CNTNAP2: variants seen among roughly 807,000 people sequenced by gnomAD.
CNTNAP2 encodes contactin-associated protein-like 2.
Under a neutral mutation model 155.2 loss-of-function variants are expected in CNTNAP2, and 98 were observed. The observed-to-expected ratio is 0.63, with a 90% CI of 0.54 to 0.75. The LOEUF (loss-of-function observed/expected upper bound fraction) is 0.75. CNTNAP2 is among the 30% of genes least tolerant of loss of function. The probability of loss-of-function intolerance (pLI) is 0.00; values close to 1 mark genes in which losing one functional copy is unlikely to be tolerated. For synonymous variants in CNTNAP2, 651 were observed against 631.2 expected (o/e 1.03, Z -0.47); for missense variants, 1,727 against 1,688.1 (o/e 1.02, Z -0.40).
intron 4 of CNTNAP2, among the ~76,000 whole-genome samples, chr7:147,063,228 T>C (rs558927057): frequency 6.6e-6 from 1 of 152,332 alleles, no homozygotes; most frequent in South Asian, 2.1e-4. Context: ...TACGTTTTCA[T>C]TTCTATTAGA....
chr7:148,004,541 A>G (rs1226585165), intron 15 of CNTNAP2, among the ~76,000 whole-genome samples: 1 of 152,200 alleles, frequency 6.6e-6, no homozygotes, highest in South Asian at 2.1e-4. Flanking sequence ...TCATTTACAT[A>G]CAAGTTCCTT....
At chr7:147,112,920 T>A (rs142435024) in intron 5 of CNTNAP2, among the ~76,000 whole-genome samples, 2 of 152,120 alleles carry the variant, frequency 1.3e-5, no homozygotes, top group African/African-American at 4.8e-5. Flanking sequence ...TAGAGAGGAG[T>A]CCTTCCTTTT....
At chr7:146,861,544 A>G (rs1396805457) in intron 3 of CNTNAP2, among the ~76,000 whole-genome samples, 2 of 152,124 alleles carry the variant, frequency 1.3e-5, no homozygotes, top group East Asian at 3.9e-4. Context: ...TGTGAATCCA[A>G]TTCACAATCC....
intron 3 of CNTNAP2, among the ~76,000 whole-genome samples, chr7:146,902,899 C>G (rs1440226929): frequency 6.6e-6 from 1 of 152,168 alleles, no homozygotes; most frequent in East Asian, 1.9e-4. Context: ...GAAACACATG[C>G]CCAGCAAATC....
chr7:148,362,054 A>G (rs1798632532), intron 21 of CNTNAP2, among the ~76,000 whole-genome samples: 1 of 152,158 alleles, frequency 6.6e-6, no homozygotes, highest in African/African-American at 2.4e-5. Context: ...TAAAAATACA[A>G]AAAAACTAGC....
chr7:146,350,950 G>A (rs891590205), intron 1 of CNTNAP2, among the ~76,000 whole-genome samples: 3 of 147,078 alleles, frequency 2.0e-5, no homozygotes, highest in Non-Finnish European at 1.5e-5. Context: ...AACACCGCAT[G>A]TTCTCACTCA....
intron 4 of CNTNAP2, among the ~76,000 whole-genome samples, chr7:147,100,976 G>T (rs1330921036): frequency 6.6e-6 from 1 of 152,168 alleles, no homozygotes; most frequent in Admixed American, 6.5e-5. Context: ...TTTCACACAG[G>T]CAGGCTTTCT....
intron 1 of CNTNAP2, among the ~76,000 whole-genome samples, chr7:146,715,094 A>T (rs1801163936): frequency 6.6e-6 from 1 of 152,058 alleles, no homozygotes; most frequent in Non-Finnish European, 1.5e-5. Flanking sequence ...ACTTTGGGAG[A>T]CTGAGGCGGG....
chr7:147,793,154 C>G (rs1213960737), intron 13 of CNTNAP2, among the ~76,000 whole-genome samples: 1 of 152,066 alleles, frequency 6.6e-6, no homozygotes, highest in Non-Finnish European at 1.5e-5. Flanking sequence ...ACATTATTAA[C>G]AGTATCTTTT....
At chr7:146,780,635 A>G (rs10240187) in intron 2 of CNTNAP2, among the ~76,000 whole-genome samples, 3,443 of 152,198 alleles carry the variant, frequency 0.023, 126 homozygotes, top group African/African-American at 0.079. Context: ...ATGGCCACCA[A>G]TGATGGACTG....
At chr7:146,333,908 A>T (rs1012707887) in intron 1 of CNTNAP2, among the ~76,000 whole-genome samples, 2 of 152,212 alleles carry the variant, frequency 1.3e-5, no homozygotes, top group African/African-American at 4.8e-5. Flanking sequence ...TCAGTCCTGG[A>T]ATAAATGCAT....
In CNTNAP2 at chr7:148,138,302, C is replaced by T. The variant is rs183318023; in HGVS notation, c.2555-9189C>T. Among the ~76,000 whole-genome samples, 499 of 152,304 alleles carry T rather than the reference C, an allele frequency of 3.3e-3. 2 individuals carry two copies. The highest frequency in any genetic ancestry group is 5.8e-3 in the Non-Finnish European group (398 of 68,038). On this transcript the variant is annotated intron_variant, in intron 16 of 23. Coordinates refer to ENST00000361727, the MANE Select transcript of CNTNAP2 (RefSeq NM_014141.6). ...CAATTAATTGACTTGTATGCTGTCT[C>T]CTTGTAAGCTTCAGCTTGGTCTGTG...
chr7:146,795,552 G>T (rs903713181), intron 2 of CNTNAP2, among the ~76,000 whole-genome samples: 13 of 152,164 alleles, frequency 8.5e-5, no homozygotes, highest in African/African-American at 2.4e-4. Context: ...CCACAGGGAA[G>T]CTCTTGAGAT....
At chr7:146,944,427 T>C (rs1302321018) in intron 3 of CNTNAP2, among the ~76,000 whole-genome samples, 2 of 152,136 alleles carry the variant, frequency 1.3e-5, no homozygotes, top group Admixed American at 6.6e-5. Flanking sequence ...TATATCTTAA[T>C]TTTTATGAAA....
At chr7:146,921,840 CAT>C (rs2129220209) in intron 3 of CNTNAP2, among the ~76,000 whole-genome samples, 1 of 152,214 alleles carries the variant, frequency 6.6e-6, no homozygotes, top group East Asian at 1.9e-4. Flanking sequence ...AACACGAAGA[CAT>C]AGTACTGTGC....
chr7:146,337,314 A>AT (rs1554418922), intron 1 of CNTNAP2, among the ~76,000 whole-genome samples: 330 of 151,988 alleles, frequency 2.2e-3, no homozygotes, highest in Non-Finnish European at 2.8e-3. Flanking sequence ...AAAAAAAAAA[A>AT]CAAACTACGT....
chr7:146,962,342 T>A (rs1196226345), intron 3 of CNTNAP2, among the ~76,000 whole-genome samples: 1 of 152,196 alleles, frequency 6.6e-6, no homozygotes, highest in Non-Finnish European at 1.5e-5. Flanking sequence ...CTGTTGCTGA[T>A]CAACCTGAGT....
rs971919498 is a variant in CNTNAP2, at chr7:146,650,933, T to G, written c.98-123338T>G. Among the ~76,000 whole-genome samples, 39 of 152,118 alleles carry G rather than the reference T, an allele frequency of 2.6e-4. 1 individual carries two copies. The highest frequency in any genetic ancestry group is 8.7e-4 in the African/African-American group (36 of 41,504). On this transcript the variant is annotated intron_variant, in intron 1 of 23. Coordinates refer to ENST00000361727, the MANE Select transcript of CNTNAP2 (RefSeq NM_014141.6). The stretch of plus-strand genomic sequence containing the variant: ...TATTCAGGAGGCTGAGGTGTGAGAA[T>G]TGCTTGAGCCCAGGAGTTCAAAGCT...
intron 1 of CNTNAP2, among the ~76,000 whole-genome samples, chr7:146,489,663 G>A (rs950028811): frequency 2.0e-5 from 3 of 152,022 alleles, no homozygotes; most frequent in African/African-American, 4.8e-5. Flanking sequence ...ACCCATGTTC[G>A]GCGATTCCCA....
Sources: gnomAD v4.1 joint callset for allele counts (sites outside exome capture counted in the v4.1 genomes callset) on GRCh38, gnomAD v4.1.1 for gene constraint, MANE v1.5 for transcripts, NCBI Gene and HGNC (gene_info 2026-07-23, HGNC 2026-07-21) for gene names.